The following MALRD1 variants were observed in gnomAD, a reference collection of about 807,000 sequenced individuals.
MALRD1 encodes MAM and LDL-receptor class A domain-containing protein 1.
In MALRD1, 247 loss-of-function variants were observed where a neutral mutation model predicts 242.1. The ratio of observed to expected loss-of-function variants is 1.02; its 90% CI spans 0.92 to 1.13. MALRD1 has a LOEUF of 1.13. Among genes scored for constraint, MALRD1 ranks in the 50% most tolerant of loss-of-function variants. The pLI is 0.00. For synonymous variants in MALRD1, 995 were observed against 866.6 expected (o/e 1.15, Z -2.60); for missense variants, 2,989 against 2,533.1 (o/e 1.18, Z -3.86).
chr10:19,283,457 G>A (rs11009294), intron 21 of MALRD1, among the ~76,000 whole-genome samples: 2 of 151,964 alleles, frequency 1.3e-5, no homozygotes, highest in Non-Finnish European at 2.9e-5. Context: ...TTAGTATATT[G>A]TTTTTAAAAT....
intron 38 of MALRD1, among the ~76,000 whole-genome samples, chr10:19,720,038 T>G (rs979886651): frequency 6.6e-6 from 1 of 152,148 alleles, no homozygotes; most frequent in African/African-American, 2.4e-5. Flanking sequence ...TATGACTCTG[T>G]GCAATTTTTT....
chr10:19,397,036 G>A (rs1846615025), intron 28 of MALRD1, among the ~76,000 whole-genome samples: 1 of 152,082 alleles, frequency 6.6e-6, no homozygotes, highest in African/African-American at 2.4e-5. Flanking sequence ...TATACATTGT[G>A]TAATGATCAA....
At chr10:19,474,179 AT>A (rs377160264) in intron 29 of MALRD1, among the ~76,000 whole-genome samples, 11 of 151,866 alleles carry the variant, frequency 7.2e-5, no homozygotes, top group African/African-American at 2.7e-4. Flanking sequence ...TAGTCAGGTT[AT>A]TTTTTTATTA....
At chr10:19,358,193 CAAGTGTGTGTGT>C (rs1362185610) in intron 26 of MALRD1, among the ~76,000 whole-genome samples, 7 of 89,584 alleles carry the variant, frequency 7.8e-5, no homozygotes, top group Non-Finnish European at 1.3e-4. Context: ...GGGCAGGAGT[CAAGTGTGTGTGT>C]GTGTGTGTGT....
chr10:19,662,188 G>A (rs148329533), intron 36 of MALRD1, among the ~76,000 whole-genome samples: 2 of 152,082 alleles, frequency 1.3e-5, no homozygotes, highest in African/African-American at 4.8e-5. Flanking sequence ...TATTTACTAG[G>A]TACTGTTCAA....
chr10:19,388,892 A>AG (rs1323665251), intron 27 of MALRD1, among the ~76,000 whole-genome samples: 1 of 151,364 alleles, frequency 6.6e-6, no homozygotes, highest in Non-Finnish European at 1.5e-5. Flanking sequence ...AAAAAAAAAA[A>AG]AAAAAAAGAA....
chr10:19,389,527 G>A lies in MALRD1; in HGVS notation c.4763G>A (p.Arg1588Gln), dbSNP rs774073876. 5.9e-5 allele frequency: 91 copies of A among 1,550,544 alleles called. No individual in the cohort carries two copies. The highest frequency in any genetic ancestry group is 7.8e-5 in the Admixed American group (4 of 50,972). Residue 1588 changes from arginine to glutamine, a missense_variant, in exon 28 of 40, where the codon CGA becomes CAA. Arg to Gln is a conservative substitution (Grantham distance 43). Coordinates refer to ENST00000454679, the MANE Select transcript of MALRD1 (RefSeq NM_001142308.3). ...DKAHFRSTMW[R>Q]ESSAACTMSF... ...GCACACTTCAGGAGTACCATGTGGC[G>A]AGAATCCAGTGCAGCCTGCACCATG...
At chr10:19,469,351 A>T (rs1836382880) in intron 29 of MALRD1, among the ~76,000 whole-genome samples, 1 of 152,074 alleles carries the variant, frequency 6.6e-6, no homozygotes, top group African/African-American at 2.4e-5. Context: ...TATGATAATG[A>T]TCTTCTTGAC....
chr10:19,659,103 G>A (rs1435312505), intron 36 of MALRD1, among the ~76,000 whole-genome samples: 2 of 152,084 alleles, frequency 1.3e-5, no homozygotes, highest in Non-Finnish European at 2.9e-5. Context: ...AGGACAGAGA[G>A]CTCTTCCTAT....
At chr10:19,339,474 C>T (rs1157092168) in intron 24 of MALRD1, among the ~76,000 whole-genome samples, 1 of 152,136 alleles carries the variant, frequency 6.6e-6, no homozygotes, top group Non-Finnish European at 1.5e-5. Context: ...ATATCTTGGG[C>T]ACCAGGTTTC....
chr10:19,617,200 G>A (rs1021324547), intron 36 of MALRD1, among the ~76,000 whole-genome samples: 9 of 151,896 alleles, frequency 5.9e-5, no homozygotes, highest in South Asian at 2.1e-4. Flanking sequence ...CAACACTCTC[G>A]TAGTCTTAAA....
In MALRD1 at chr10:19,109,938, T is replaced by C. The variant is rs532698509; in HGVS notation, c.694+5863T>C. ...GCAACTGATCTTTGATGGGGGATGC[T>C]GGGGGCCTCCTGCTTACCTTTTCTT... On this transcript the variant is annotated intron_variant, in intron 5 of 39. Transcript: ENST00000454679. Among the ~76,000 whole-genome samples the C allele has an allele frequency of 8.5e-5, 13 of 152,310 alleles. No individual in the cohort carries two copies. In the South Asian group the frequency reaches 2.5e-3, roughly 29 times the overall value.
At chr10:19,377,704 T>A (rs1054269111) in intron 26 of MALRD1, among the ~76,000 whole-genome samples, 1 of 152,024 alleles carries the variant, frequency 6.6e-6, no homozygotes, top group African/African-American at 2.4e-5. Context: ...TTTGTTACAA[T>A]GAACATACAC....
intron 28 of MALRD1, among the ~76,000 whole-genome samples, chr10:19,445,418 G>T (rs2486061): frequency 0.7 from 106,558 of 151,634 alleles, 37,496 homozygotes; most frequent in Non-Finnish European, 0.74. Flanking sequence ...CAGCTTTTCT[G>T]CTCTGGTTTC....
At chr10:19,592,271 G>C (rs1442907377) in intron 33 of MALRD1, among the ~76,000 whole-genome samples, 5 of 152,250 alleles carry the variant, frequency 3.3e-5, no homozygotes, top group African/African-American at 1.2e-4. Flanking sequence ...CCTGGTGGCA[G>C]GTGGGGTTTA....
chr10:19,166,281 C>T (rs1834682562), intron 13 of MALRD1, among the ~76,000 whole-genome samples: 1 of 152,108 alleles, frequency 6.6e-6, no homozygotes, highest in African/African-American at 2.4e-5. Context: ...TGTTATCCAC[C>T]TTTGGGAACT....
intron 23 of MALRD1, 84 bp from the exon 24 acceptor site, chr10:19,331,285 G>T: frequency 9.1e-7 from 1 of 1,100,172 alleles, no homozygotes; most frequent in Non-Finnish European, 1.3e-6. Flanking sequence ...ACAGATTCAC[G>T]ATTGATGTGC....
chr10:19,300,068 G>A (rs1306208225), intron 21 of MALRD1, among the ~76,000 whole-genome samples: 2 of 151,778 alleles, frequency 1.3e-5, no homozygotes, highest in African/African-American at 2.4e-5. Context: ...ATTTCTATAT[G>A]CCAACAACAT....
chr10:19,666,485 A>G (rs1281885480), intron 36 of MALRD1, among the ~76,000 whole-genome samples: 1 of 152,172 alleles, frequency 6.6e-6, no homozygotes, highest in Non-Finnish European at 1.5e-5. Context: ...TTCTCAAACT[A>G]CTGACCTCAA....
Sources: gnomAD v4.1 joint callset for allele counts (sites outside exome capture counted in the v4.1 genomes callset) on GRCh38, gnomAD v4.1.1 for gene constraint, MANE v1.5 for transcripts, NCBI Gene and HGNC (gene_info 2026-07-23, HGNC 2026-07-21) for gene names.